TEX9: variants seen among roughly 807,000 people sequenced by gnomAD.
The protein encoded by TEX9 is testis-expressed protein 9.
In TEX9, 74 loss-of-function variants were observed where a neutral mutation model predicts 59.6. The observed-to-expected ratio is 1.24, with a 90% CI of 1.03 to 1.51. The LOEUF is 1.51. Among genes scored for constraint, TEX9 ranks in the 40% most tolerant of loss-of-function variants. The probability of loss-of-function intolerance (pLI) is 0.00; values close to 1 mark genes in which losing one functional copy is unlikely to be tolerated. For synonymous variants in TEX9, 186 were observed against 152.2 expected, an observed-to-expected ratio of 1.22 and a Z score of -1.64; for missense variants, 522 against 447.8, an observed-to-expected ratio of 1.17 and a Z score of -1.49.
chr15:56,365,780 A>G, intron 2 of TEX9, 110 bp downstream of exon 2: 2 of 1,503,232 alleles, frequency 1.3e-6, no homozygotes, highest in South Asian at 1.4e-5. Flanking sequence ...CTCACTCTGC[A>G]GCATTCCCTT....
intron 2 of TEX9, 151 bp from the exon 3 acceptor site, chr15:56,373,290 T>C (rs1164968330): frequency 6.5e-6 from 4 of 617,482 alleles, no homozygotes; most frequent in African/African-American, 3.9e-5. Context: ...TGAGGATAAG[T>C]TCTTAATGGC....
intron 1 of TEX9, among the ~76,000 whole-genome samples, chr15:56,270,208 C>A (rs2044495012): frequency 6.6e-6 from 1 of 152,020 alleles, no homozygotes; most frequent in African/African-American, 2.4e-5. Context: ...CCTTGTTAAC[C>A]TTCTGTCTCA....
At chr15:56,348,905 C>G (rs1228304902) in intron 1 of TEX9, among the ~76,000 whole-genome samples, 1 of 145,266 alleles carries the variant, frequency 6.9e-6, no homozygotes, top group Non-Finnish European at 1.5e-5. Flanking sequence ...TCACAAGTCC[C>G]TGAGTTCATA....
intron 1 of TEX9, among the ~76,000 whole-genome samples, chr15:56,313,466 TA>T (rs2045675253): frequency 6.8e-6 from 1 of 146,668 alleles, no homozygotes; most frequent in Non-Finnish European, 1.5e-5. Flanking sequence ...GATTTGCGTA[TA>T]TTGAACCAGC....
At chr15:56,428,536 T>A in intron 12 of TEX9, 1 of 850,228 alleles carries the variant, frequency 1.2e-6, no homozygotes, top group Non-Finnish European at 1.8e-6. Flanking sequence ...TCTTCATAAG[T>A]AATATATTTG....
At chr15:56,396,076 G>A (rs1157220574) in intron 9 of TEX9, 1 of 152,024 alleles carries the variant, frequency 6.6e-6, no homozygotes, top group Non-Finnish European at 1.5e-5. Flanking sequence ...ATATTAGTGT[G>A]CCATTGTGAA....
chr15:56,455,262 A>C, the TEX9 span, among the ~76,000 whole-genome samples: 28 of 151,536 alleles, frequency 1.8e-4, no homozygotes, highest in African/African-American at 2.9e-4. Flanking sequence ...AAAAAAAAAA[A>C]AAAAAAAAAC....
intron 9 of TEX9, among the ~76,000 whole-genome samples, chr15:56,401,740 T>C (rs1432170042): frequency 1.3e-5 from 2 of 152,120 alleles, no homozygotes; most frequent in Non-Finnish European, 2.9e-5. Flanking sequence ...AGTAAAGCAC[T>C]CCTCAGCAAA....
intron 1 of TEX9, among the ~76,000 whole-genome samples, chr15:56,266,771 G>A (rs556250513): frequency 6.6e-6 from 1 of 152,274 alleles, no homozygotes; most frequent in African/African-American, 2.4e-5. Context: ...ATTGTGAATA[G>A]TGCTGCAATA....
chr15:56,394,138 A>C (rs780170682), intron 7 of TEX9, 27 bp from the exon 8 acceptor site: 1 of 1,582,460 alleles, frequency 6.3e-7, no homozygotes, highest in Non-Finnish European at 8.6e-7. Context: ...AGCAAAAGAC[A>C]GTAAATATAA....
intron 12 of TEX9, among the ~76,000 whole-genome samples, chr15:56,436,788 C>A (rs1596256409): frequency 1.3e-5 from 2 of 151,874 alleles, no homozygotes; most frequent in South Asian, 2.1e-4. Flanking sequence ...ACCACAGATC[C>A]AACGGAAATA....
rs370654744 is a variant in TEX9, at chr15:56,403,373, C to T, written c.828+8539C>T. Reference sequence around the variant, plus strand: ...CACAGCCAAATCATGAGTGAACTCCCATTCACAATTGCTACAAAGAGAATC... The same window carrying T: ...CACAGCCAAATCATGAGTGAACTCCTATTCACAATTGCTACAAAGAGAATC... On this transcript the variant is annotated intron_variant, in intron 9 of 12. Coordinates refer to ENST00000352903, the Ensembl canonical transcript of TEX9. Among the ~76,000 whole-genome samples, 24 of 152,300 alleles carry T rather than the reference C, an allele frequency of 1.6e-4. No homozygotes were observed. In the East Asian group the frequency reaches 1.7e-3, roughly 11 times the overall value.
At position 56,358,367 on chromosome 15, in the gene TEX9, G is replaced by A. The variant is rs148379466; in HGVS notation, c.-106-15074G>A. Among the ~76,000 whole-genome samples the A allele has an allele frequency of 5.9e-3, 880 of 148,270 alleles. 8 individuals carry two copies. Among genetic ancestry groups the A allele is most frequent in the Middle Eastern group, 0.035 (10 of 288 alleles). ...TTTTTTTTTTTTCCAGAATCTGGTC[G>A]TTGTGCAGTGGAAGGGTGTCCCAGA... On this transcript the variant is annotated intron_variant, in intron 1 of 5. Transcript: ENST00000560827.
chr15:56,429,542 A>G (rs1027173973), intron 12 of TEX9: 1 of 161,016 alleles, frequency 6.2e-6, no homozygotes, highest in Non-Finnish European at 1.3e-5. Context: ...ATAATATGAT[A>G]TAATGGTGAG....
At chr15:56,367,493 G>GT (rs2046997822) in intron 2 of TEX9, among the ~76,000 whole-genome samples, 4 of 152,190 alleles carry the variant, frequency 2.6e-5, no homozygotes. Flanking sequence ...CGAAAGGATA[G>GT]ACTAAGGAAG....
chr15:56,439,139 A>G (rs1177746054), intron 12 of TEX9, among the ~76,000 whole-genome samples: 1 of 152,198 alleles, frequency 6.6e-6, no homozygotes, highest in African/African-American at 2.4e-5. Flanking sequence ...ACTAGCAACG[A>G]GTACACGGAC....
chr15:56,377,495 A>T (rs908197474), intron 3 of TEX9, among the ~76,000 whole-genome samples: 9 of 151,978 alleles, frequency 5.9e-5, no homozygotes, highest in Non-Finnish European at 4.4e-5. Flanking sequence ...ACTCCTAGGT[A>T]TTTTATTTGT....
At chr15:56,319,908 A>C (rs1596086526) in intron 1 of TEX9, among the ~76,000 whole-genome samples, 1 of 152,316 alleles carries the variant, frequency 6.6e-6, no homozygotes, top group East Asian at 1.9e-4. Flanking sequence ...AATGTGAGGT[A>C]GGTGGTCCAT....
intron 12 of TEX9, chr15:56,443,633 A>T (rs780732819): frequency 1.2e-6 from 2 of 1,609,536 alleles, no homozygotes; most frequent in African/African-American, 2.7e-5. Flanking sequence ...TGGTTATTTT[A>T]ATACCGCATT....
Sources: gnomAD v4.1 joint callset for allele counts (sites outside exome capture counted in the v4.1 genomes callset) on GRCh38, gnomAD v4.1.1 for gene constraint, MANE v1.5 for transcripts, NCBI Gene and HGNC (gene_info 2026-07-23, HGNC 2026-07-21) for gene names.